Variants in RSRP1 observed in about 807,000 individuals in gnomAD.
The protein encoded by RSRP1 is arginine and serine rich protein 1.
In RSRP1, 37 loss-of-function variants were observed where a neutral mutation model predicts 33.0. That is an observed-to-expected ratio of 1.12 (90% CI 0.86 to 1.48). The LOEUF is 1.48. RSRP1 is among the 40% of genes most tolerant of loss of function. The pLI, the probability that RSRP1 is intolerant of heterozygous loss-of-function variation, is 0.00. For synonymous variants in RSRP1, 167 were observed against 158.7 expected, an observed-to-expected ratio of 1.05 and a Z score of -0.40; for missense variants, 402 against 385.3, an observed-to-expected ratio of 1.04 and a Z score of -0.36.
chr1:25,258,926 A>G (rs1436937151), intron 1 of RSRP1, among the ~76,000 whole-genome samples: 1 of 152,210 alleles, frequency 6.6e-6, no homozygotes, highest in Non-Finnish European at 1.5e-5. Context: ...AATGGAGTTG[A>G]ATCCTTTCTC....
In RSRP1 at chr1:25,328,937, A is replaced by C. The variant is rs759458425; in HGVS notation, c.-67+9041T>G. On this transcript the variant is annotated intron_variant, in intron 1 of 1. Coordinates refer to the RSRP1 transcript ENST00000561867. ...TGTTGGATTTTAAGCAAAAGCATCC[A>C]AGAAAAACAAGGCCTGTTCAAAAAC... The C allele has an allele frequency of 3.8e-5, 50 of 1,315,772 alleles. 10 individuals are homozygous for C. In the Admixed American group the frequency reaches 8.4e-4, roughly 22 times the overall value. 81.5% of individuals were successfully genotyped at this position (1,315,772 alleles called of 1,614,324 possible).
At chr1:25,321,806 T>C (rs1212567865) in intron 1 of RSRP1, 1 of 758,888 alleles carries the variant, frequency 1.3e-6, no homozygotes, top group African/African-American at 1.7e-5. Context: ...TACTGTCGTT[T>C]TGACACACAA....
At position 25,304,610 on chromosome 1, in the gene RSRP1, A is replaced by C. The variant is rs1477907200; in HGVS notation, c.-67+33368T>G. On this transcript the variant is annotated intron_variant, in intron 1 of 1. Transcript: ENST00000561867. ...AAGACTCTGTCTTAAAAAAAAAAAA[A>C]GTGGTTTATATACAGAGTGGAATAT... is the stretch of plus-strand genomic sequence containing the variant. 2 of 130,846 alleles carry C rather than the reference A, an allele frequency of 1.5e-5. 1 individual carries two copies. The highest frequency in any genetic ancestry group is 5.3e-5 in the African/African-American group (2 of 37,982). 8.1% of individuals were successfully genotyped at this position (130,846 alleles called of 1,614,324 possible). A position where few individuals can be genotyped will look rare whatever the true frequency, so the allele number is the denominator to read the frequency against.
intron 1 of RSRP1, among the ~76,000 whole-genome samples, chr1:25,254,611 T>A (rs1639892212): frequency 6.6e-6 from 1 of 152,074 alleles, no homozygotes; most frequent in South Asian, 2.1e-4. Flanking sequence ...ATTTTTTGTA[T>A]TTTTAGTAGG....
At chr1:25,245,550 C>G (rs1333286843) in intron 2 of RSRP1, among the ~76,000 whole-genome samples, 2 of 152,154 alleles carry the variant, frequency 1.3e-5, no homozygotes, top group African/African-American at 4.8e-5. Flanking sequence ...CTGTAAACCC[C>G]AAGTGTGCGC....
Position 25,321,035 on chromosome 1 carries a change from C to T in RSRP1, c.-67+16943G>A, listed in dbSNP as rs1360496624. Among the ~76,000 whole-genome samples the T allele has an allele frequency of 1.5e-5, 2 of 131,148 alleles. 1 individual carries two copies. Among genetic ancestry groups the T allele is most frequent in the African/African-American group, 5.2e-5 (2 of 38,504 alleles). The allele number at this position is 131,148 out of a possible 152,430, so 86.0% of individuals were successfully genotyped here. On this transcript the variant is annotated intron_variant, in intron 1 of 1. Transcript: ENST00000561867. ...CTCCAGCCTGGATAACAGAATGAGA[C>T]TCTGTCCCAAAAATAAAAAATAAAA...
chr1:25,312,919 CTAAA>C (rs1557556741), intron 1 of RSRP1, among the ~76,000 whole-genome samples: 1 of 3,628 alleles, frequency 2.8e-4, no homozygotes, highest in East Asian at 0.014. Context: ...AATCCCATCT[CTAAA>C]AAAAAAAAAA....
chr1:25,316,426 C>G (rs1644440161), intron 1 of RSRP1, among the ~76,000 whole-genome samples: 1 of 127,876 alleles, frequency 7.8e-6, no homozygotes, highest in South Asian at 2.4e-4. Context: ...TCGAGATCAC[C>G]CTGGTCAACA....
chr1:25,308,036 GAA>G (rs67959545), intron 1 of RSRP1, among the ~76,000 whole-genome samples: 78,766 of 111,880 alleles, frequency 0.7, 31,879 homozygotes, highest in South Asian at 0.89. Flanking sequence ...GGGGAAGTTA[GAA>G]AAAAAAAAAA....
At chr1:25,274,773 A>G (rs1640798976) in intron 1 of RSRP1, among the ~76,000 whole-genome samples, 1 of 133,872 alleles carries the variant, frequency 7.5e-6, no homozygotes, top group Non-Finnish European at 1.8e-5. Flanking sequence ...TTGGGAGGCC[A>G]AGGCTGGAGA....
chr1:25,316,618 GAA>G (rs1171433774), intron 1 of RSRP1, among the ~76,000 whole-genome samples: 3,952 of 39,632 alleles, frequency 0.1, 14 homozygotes, highest in African/African-American at 0.2. Flanking sequence ...AACAAAAACA[GAA>G]AAAAAAAAAA....
Position 25,307,654 on chromosome 1 carries a change from G to A in RSRP1, c.-67+30324C>T, listed in dbSNP as rs185761325. ...AGAAGTTATCTGCCCAAGGTCACTCGGCTGGAACCTGGCTGTAAAAATGGC... is the reference window on the plus strand; with the variant it reads ...AGAAGTTATCTGCCCAAGGTCACTCAGCTGGAACCTGGCTGTAAAAATGGC... On this transcript the variant is annotated intron_variant, in intron 1 of 1. Transcript: ENST00000561867. The A allele has an allele frequency of 9.3e-5, 116 of 1,249,002 alleles. 29 individuals are homozygous for A. Among genetic ancestry groups the A allele is most frequent in the African/African-American group, 1.8e-4 (12 of 68,046 alleles). The allele number at this position is 1,249,002 out of a possible 1,614,324, so 77.4% of individuals were successfully genotyped here.
chr1:25,244,882 CCA>C (rs1365594828), intron 3 of RSRP1: 5 of 1,219,304 alleles, frequency 4.1e-6, no homozygotes, highest in African/African-American at 3.1e-5. Context: ...CGCGGTTTTG[CCA>C]CATTGCCCAG....
chr1:25,246,703 TCGCGACCGGCTC>T lies in RSRP1; in HGVS notation c.249_260del (p.Ser88_Arg91del). 1 of 1,607,738 alleles carries T rather than the reference TCGCGACCGGCTC, an allele frequency of 6.2e-7. No individual in the cohort carries two copies. Among genetic ancestry groups the T allele is most frequent in the Non-Finnish European group, 8.5e-7 (1 of 1,175,472 alleles). ...TCTCTCGGTAACGGCGGCTGCGGGA[TCGCGACCGGCTC>T]CGCGAGTATGACCGCGAGTAGCGCC... On this transcript the variant is annotated inframe_deletion, in exon 2 of 5. Transcript: ENST00000243189.
rs1268987076 is a variant in RSRP1 at position 25,293,364 on chromosome 1, T to TA, written c.-67+44613dup. Among the ~76,000 whole-genome samples the TA allele has an allele frequency of 3.9e-4, 51 of 130,148 alleles. 13 individuals carry two copies. The highest frequency in any genetic ancestry group is 1.6e-3 in the Admixed American group (22 of 13,354). 85.4% of individuals were successfully genotyped at this position (130,148 alleles called of 152,430 possible). A position where few individuals can be genotyped will look rare whatever the true frequency, so the allele number is the denominator to read the frequency against. On this transcript the variant is annotated intron_variant, in intron 1 of 1. Transcript: ENST00000561867. The stretch of plus-strand genomic sequence containing the variant: ...GGACAGTTCATCTTTTTTTTTTTTT[T>TA]ATACAACATTTTATTTAAAAAAATT...
intron 1 of RSRP1, chr1:25,284,905 A>G: frequency 9.5e-7 from 1 of 1,054,546 alleles, no homozygotes; most frequent in East Asian, 2.5e-5. Flanking sequence ...CTAAAAGATT[A>G]TTCATTGTTT....
rs1317275723 is a variant in RSRP1 at position 25,299,876 on chromosome 1, G to A, written c.-67+38102C>T. ...GTGAATCTCCTGCATCAGCCTCCCA[G>A]GTAGATAGGATTACAAGCAAGCATC... On this transcript the variant is annotated intron_variant, in intron 1 of 1. Coordinates refer to the RSRP1 transcript ENST00000561867. Among the ~76,000 whole-genome samples, 3 of 130,970 alleles carry A rather than the reference G, an allele frequency of 2.3e-5. 1 individual carries two copies. Among genetic ancestry groups the A allele is most frequent in the Admixed American group, 7.4e-5 (1 of 13,446 alleles). 85.9% of individuals were successfully genotyped at this position (130,970 alleles called of 152,430 possible).
rs1389789281 is a variant in RSRP1 at position 25,291,567 on chromosome 1, A to C, written c.-66-44538T>G. 1.5e-5 allele frequency among the ~76,000 whole-genome samples: 2 copies of C among 132,966 alleles called. 1 individual carries two copies. Among genetic ancestry groups the C allele is most frequent in the Non-Finnish European group, 3.6e-5 (2 of 56,126 alleles). 87.2% of individuals were successfully genotyped at this position (132,966 alleles called of 152,430 possible). On this transcript the variant is annotated intron_variant, in intron 1 of 1. Coordinates refer to the RSRP1 transcript ENST00000561867. ...GTGGTCTGTGCAAATGTTTAAACAC[A>C]ACAAACCAATGCCTTTAACTACTAC...
In RSRP1 at chr1:25,242,699, C is replaced by T. The variant is rs769346280; in HGVS notation, c.763G>A (p.Val255Ile). Residue 255 changes from valine to isoleucine, a missense_variant, in exon 5 of 5, where the codon GTA becomes ATA. By Grantham distance (29) the Val-to-Ile change is conservative. Transcript: ENST00000243189. ...RSIAFSSNNS[V>I]AKPIQKSAKA... ...GCTGATTTTTGTATTGGCTTTGCTA[C>T]AGAATTCTGTAAAAGAACAAATTCA... is the stretch of plus-strand genomic sequence containing the variant. 1.3e-6 allele frequency: 2 copies of T among 1,598,358 alleles called. No individual in the cohort carries two copies. The highest frequency in any genetic ancestry group is 8.5e-7 in the Non-Finnish European group (1 of 1,174,948).
Sources: gnomAD v4.1 joint callset for allele counts (sites outside exome capture counted in the v4.1 genomes callset) on GRCh38, gnomAD v4.1.1 for gene constraint, MANE v1.5 for transcripts, NCBI Gene and HGNC (gene_info 2026-07-23, HGNC 2026-07-21) for gene names.